The following OR2Z1 variants were observed in gnomAD, a reference collection of about 807,000 sequenced individuals.
The protein encoded by OR2Z1 is olfactory receptor 2Z1.
For synonymous variants in OR2Z1, 188 were observed against 160.6 expected (o/e 1.17, Z -1.29); for missense variants, 449 against 401.8 (o/e 1.12, Z -1.00).
intron 2 of OR2Z1, among the ~76,000 whole-genome samples, 154 bp downstream of exon 2, chr19:8,723,304 T>G (rs1235830067): frequency 6.6e-6 from 1 of 152,068 alleles, no homozygotes; most frequent in African/African-American, 2.4e-5. Context: ...TCTAGCTCTC[T>G]GGAAACCTTC....
In OR2Z1 at chr19:8,721,850, C is replaced by T. The variant is rs184936400; in HGVS notation, c.-407C>T. The stretch of plus-strand genomic sequence containing the variant: ...TGGCATGGGCTGGAAGCACCTTCAG[C>T]TCACTTTCTGGAGACTGTGACCATC... On this transcript the variant is annotated 5_prime_UTR_variant, in exon 1 of 3. Transcript: ENST00000641125. 2.6e-4 allele frequency: 39 copies of T among 152,372 alleles called. No individual in the cohort carries two copies. The highest frequency in any genetic ancestry group is 2.1e-3 in the Admixed American group (32 of 15,302). 9.4% of individuals were successfully genotyped at this position (152,372 alleles called of 1,614,324 possible). A position where few individuals can be genotyped will look rare whatever the true frequency, so the allele number is the denominator to read the frequency against.
chr19:8,725,591 G>A (rs1351840993), intron 2 of OR2Z1, among the ~76,000 whole-genome samples: 1 of 152,140 alleles, frequency 6.6e-6, no homozygotes, highest in African/African-American at 2.4e-5. Context: ...TACCAATGAG[G>A]CACTCCATTC....
intron 2 of OR2Z1, among the ~76,000 whole-genome samples, chr19:8,724,370 G>T (rs1324477435): frequency 6.6e-6 from 1 of 151,940 alleles, no homozygotes; most frequent in Non-Finnish European, 1.5e-5. Flanking sequence ...CAAGTAGCCG[G>T]GACTATAAGC....
chr19:8,726,743 G>A (rs73489577), intron 2 of OR2Z1, among the ~76,000 whole-genome samples: 133 of 152,280 alleles, frequency 8.7e-4, no homozygotes, highest in African/African-American at 2.6e-3. Context: ...TGGATGGAAT[G>A]AGAAAAATCA....
intron 2 of OR2Z1, among the ~76,000 whole-genome samples, chr19:8,729,738 A>G (rs976589732): frequency 2.0e-5 from 3 of 152,010 alleles, no homozygotes; most frequent in Non-Finnish European, 4.4e-5. Context: ...TTACAGGCAT[A>G]TGCCACCACG....
At chr19:8,725,230 A>G (rs1333790142) in intron 2 of OR2Z1, among the ~76,000 whole-genome samples, 1 of 152,156 alleles carries the variant, frequency 6.6e-6, no homozygotes, top group African/African-American at 2.4e-5. Flanking sequence ...TCTAACTCCC[A>G]TACATCTTTG....
Position 8,730,971 on chromosome 19 carries a change from C to A in OR2Z1, c.-58C>A, listed in dbSNP as rs148196432. ...GATGAAAATTATTTGCCACCCCATG[C>A]AGGCTTCTTGCCATAGTTCAGCTGT... On this transcript the variant is annotated 5_prime_UTR_variant, in exon 3 of 3. Coordinates refer to ENST00000641125, the MANE Select transcript of OR2Z1 (RefSeq NM_001004699.3). 13 of 1,404,106 alleles carry A rather than the reference C, an allele frequency of 9.3e-6. No individual in the cohort carries two copies. The African/African-American group carries it at 1.7e-4, about 18-fold the overall frequency. 87.0% of individuals were successfully genotyped at this position (1,404,106 alleles called of 1,614,324 possible).
rs782578792 is a variant in OR2Z1, at chr19:8,731,912, C to T, written c.884C>T (p.Pro295Leu). ...LNPLIYSLRN[P>L]EVWMALVKVL... Reference sequence around the variant, plus strand: ...CCCCTTATCTACAGTCTGAGGAATCCGGAGGTGTGGATGGCTTTGGTCAAA... The same window carrying T: ...CCCCTTATCTACAGTCTGAGGAATCTGGAGGTGTGGATGGCTTTGGTCAAA... Residue 295 changes from proline (P) to leucine (L), a missense_variant, in exon 3 of 3, where the codon CCG becomes CTG. Transcript: ENST00000641125. 1.9e-6 allele frequency: 3 copies of T among 1,614,184 alleles called. No individual in the cohort carries two copies. The highest frequency in any genetic ancestry group is 1.7e-6 in the Non-Finnish European group (2 of 1,180,036).
intron 2 of OR2Z1, among the ~76,000 whole-genome samples, chr19:8,726,295 G>A (rs1330925728): frequency 1.3e-5 from 2 of 152,074 alleles, no homozygotes; most frequent in South Asian, 2.1e-4. Context: ...ACCAGATCTC[G>A]CAAGAACTCA....
chr19:8,731,133 T>G lies in OR2Z1; in HGVS notation c.105T>G (p.Phe35Leu). 1 of 1,614,132 alleles carries G rather than the reference T, an allele frequency of 6.2e-7. No individual in the cohort carries two copies. The highest frequency in any genetic ancestry group is 1.3e-5 in the African/African-American group (1 of 75,012). Residue 35 changes from phenylalanine to leucine, a missense_variant, in exon 3 of 3, where the codon TTT becomes TTG. By Grantham distance (22) the Phe-to-Leu change is conservative (BLOSUM62 0). Transcript: ENST00000641125. ...TCTTCTCCCTGGTGGCTGTCATGTT[T>G]GTCATAGGCCTTCTGGGCAACACCG... ...QLLFSLVAVM[F>L]VIGLLGNTVL...
rs782657567 is a variant in OR2Z1 at position 8,731,225 on chromosome 19, T to C, written c.197T>C (p.Leu66Pro). Residue 66 changes from leucine (L) to proline (P), a missense_variant, in exon 3 of 3, where the codon CTC becomes CCC. Transcript: ENST00000641125. ...HTPMYFLLSQ[L>P]SLFDIGCPMV... ...CCCATGTACTTCCTGCTCAGCCAGC[T>C]CTCCCTGTTTGACATTGGCTGTCCC... 17 of 1,613,968 alleles carry C rather than the reference T, an allele frequency of 1.1e-5. No individual in the cohort carries two copies. The South Asian group carries it at 1.8e-4, about 17-fold the overall frequency.
chr19:8,731,470 T>C lies in OR2Z1; in HGVS notation c.442T>C (p.Ser148Pro), dbSNP rs782569530. ...GGTATGTCTGCTGATGATGGGCTCC[T>C]CCTGGGTGGTAGGTGTGCTCAACGC... ...RQVCLLMMGS[S>P]WVVGVLNASI... Residue 148 changes from serine (S) to proline (P), a missense_variant, in exon 3 of 3, where the codon TCC (serine) becomes CCC (proline). Coordinates refer to ENST00000641125, the MANE Select transcript of OR2Z1 (RefSeq NM_001004699.3). The C allele has an allele frequency of 5.6e-6, 9 of 1,614,022 alleles. No individual in the cohort carries two copies. Among genetic ancestry groups the C allele is most frequent in the Non-Finnish European group, 8.5e-7 (1 of 1,180,034 alleles).
At chr19:8,724,764 A>C (rs1241668418) in intron 2 of OR2Z1, among the ~76,000 whole-genome samples, 4 of 152,138 alleles carry the variant, frequency 2.6e-5, no homozygotes, top group African/African-American at 9.7e-5. Context: ...GGGTACAAAA[A>C]GTGTGTCCTT....
chr19:8,724,433 G>T (rs569994570), intron 2 of OR2Z1, among the ~76,000 whole-genome samples: 89 of 152,076 alleles, frequency 5.9e-4, no homozygotes, highest in African/African-American at 2.1e-3. Flanking sequence ...TCGGGATCTT[G>T]CCATGTTGCT....
intron 2 of OR2Z1, among the ~76,000 whole-genome samples, chr19:8,724,901 G>A (rs1254120294): frequency 6.6e-6 from 1 of 152,050 alleles, no homozygotes; most frequent in African/African-American, 2.4e-5. Flanking sequence ...CCTATTTTAT[G>A]TCTTACTCCT....
chr19:8,726,721 T>C (rs2043329094), intron 2 of OR2Z1, among the ~76,000 whole-genome samples: 3 of 152,048 alleles, frequency 2.0e-5, no homozygotes, highest in Admixed American at 2.0e-4. Context: ...GGATGAATGG[T>C]AGAGAGGAGC....
rs782300606 is a variant in OR2Z1 at position 8,731,564 on chromosome 19, G to T, written c.536G>T (p.Cys179Phe). The T allele has an allele frequency of 6.2e-7, 1 of 1,614,052 alleles. No individual in the cohort carries two copies. Among genetic ancestry groups the T allele is most frequent in the Non-Finnish European group, 8.5e-7 (1 of 1,180,022 alleles). Residue 179 changes from cysteine to phenylalanine, a missense_variant, in exon 3 of 3, where the codon TGT becomes TTT. Transcript: ENST00000641125. The part of the protein sequence containing the change: ...CASRIVDHFF[C>F]EVPALLKLSC... ...TCCCGTATTGTGGATCACTTCTTCTGTGAGGTGCCAGCCCTACTGAAGCTC... is the reference window on the plus strand; with the variant it reads ...TCCCGTATTGTGGATCACTTCTTCTTTGAGGTGCCAGCCCTACTGAAGCTC...
chr19:8,725,989 C>T (rs1370199851), intron 2 of OR2Z1, among the ~76,000 whole-genome samples: 2 of 151,602 alleles, frequency 1.3e-5, no homozygotes, highest in Non-Finnish European at 2.9e-5. Flanking sequence ...GTGGAGGAGA[C>T]GGAGTCTCAC....
Position 8,732,132 on chromosome 19 carries a change from A to G in OR2Z1, c.*159A>G, listed in dbSNP as rs2043361060. Reference sequence around the variant, plus strand: ...GAGAAAATGTCTGCCTTTTAAATTGAGGTAGAATACACGTAACATAAAATG... The same window carrying G: ...GAGAAAATGTCTGCCTTTTAAATTGGGGTAGAATACACGTAACATAAAATG... On this transcript the variant is annotated 3_prime_UTR_variant, in exon 3 of 3. Transcript: ENST00000641125. The G allele has an allele frequency of 3.2e-6, 2 of 623,186 alleles. No homozygotes were observed. The highest frequency in any genetic ancestry group is 3.9e-5 in the South Asian group (2 of 50,894). 38.6% of individuals were successfully genotyped at this position (623,186 alleles called of 1,614,324 possible).
Sources: gnomAD v4.1 joint callset for allele counts (sites outside exome capture counted in the v4.1 genomes callset) on GRCh38, gnomAD v4.1.1 for gene constraint, MANE v1.5 for transcripts, NCBI Gene and HGNC (gene_info 2026-07-23, HGNC 2026-07-21) for gene names.